Variants in SOX5 observed in about 807,000 individuals in gnomAD.
SOX5 encodes transcription factor SOX-5.
A neutral mutation model predicts 92.0 loss-of-function variants in SOX5; 9 were observed. The ratio of observed to expected loss-of-function variants is 0.10; its 90% CI spans 0.06 to 0.17. The LOEUF (loss-of-function observed/expected upper bound fraction) is 0.17. Ranked by LOEUF, SOX5 falls within the 10% of genes least tolerant of loss-of-function variation. SOX5 has a pLI of 1.00. For missense variants in SOX5, 642 were observed against 944.5 expected, an observed-to-expected ratio of 0.68 and a Z score of 4.20; for synonymous variants, 344 against 336.3, an observed-to-expected ratio of 1.02 and a Z score of -0.25.
intron 2 of SOX5, among the ~76,000 whole-genome samples, chr12:23,865,344 A>G (rs1184265408): frequency 6.6e-6 from 1 of 152,226 alleles, no homozygotes; most frequent in African/African-American, 2.4e-5. Context: ...CCCATGGATC[A>G]GGAAGTCATT....
chr12:24,435,953 G>A (rs1355675536), intron 1 of SOX5, among the ~76,000 whole-genome samples: 1 of 152,134 alleles, frequency 6.6e-6, no homozygotes, highest in African/African-American at 2.4e-5. Context: ...GATCTTTGAT[G>A]TTATTTTTGC....
chr12:23,750,433 T>C (rs932859200), intron 4 of SOX5, among the ~76,000 whole-genome samples: 8 of 151,892 alleles, frequency 5.3e-5, no homozygotes, highest in Non-Finnish European at 1.0e-4. Flanking sequence ...GAAGAATCAG[T>C]CCACATAACA....
upstream of SOX5, among the ~76,000 whole-genome samples, chr12:23,953,326 T>G (rs1037875241): frequency 6.6e-6 from 1 of 152,080 alleles, no homozygotes; most frequent in African/African-American, 2.4e-5. Context: ...GTTAAAATGT[T>G]TAAATATTAA....
upstream of SOX5, among the ~76,000 whole-genome samples, chr12:23,950,278 A>G (rs1569222240): frequency 6.6e-6 from 1 of 151,914 alleles, no homozygotes; most frequent in Non-Finnish European, 1.5e-5. Flanking sequence ...ACACACACAC[A>G]CACTCACACA....
chr12:23,687,112 A>T (rs921180003), intron 6 of SOX5, among the ~76,000 whole-genome samples: 1 of 152,106 alleles, frequency 6.6e-6, no homozygotes, highest in Non-Finnish European at 1.5e-5. Context: ...TGCCATCTAA[A>T]TGGCTTCCTA....
intron 11 of SOX5, among the ~76,000 whole-genome samples, chr12:23,553,125 C>T (rs1047310863): frequency 6.6e-6 from 1 of 151,846 alleles, no homozygotes; most frequent in Non-Finnish European, 1.5e-5. Context: ...TAAGTTTCAA[C>T]ACTTAAAGCT....
At chr12:24,516,616 A>G (rs1566365679) in intron 1 of SOX5, among the ~76,000 whole-genome samples, 2 of 152,164 alleles carry the variant, frequency 1.3e-5, no homozygotes, top group Non-Finnish European at 2.9e-5. Context: ...GAGCTTATCA[A>G]AGAGCTCCTG....
intron 1 of SOX5, among the ~76,000 whole-genome samples, chr12:24,499,536 G>A (rs1277106243): frequency 2.6e-5 from 4 of 152,228 alleles, no homozygotes; most frequent in African/African-American, 9.6e-5. Flanking sequence ...CACATCCAAT[G>A]TGGGACAAGT....
intron 7 of SOX5, among the ~76,000 whole-genome samples, chr12:23,660,376 A>C (rs1309117081): frequency 1.3e-5 from 2 of 152,208 alleles, no homozygotes; most frequent in African/African-American, 4.8e-5. Context: ...ACCATTGTGT[A>C]GATAAGGAAA....
upstream of SOX5, among the ~76,000 whole-genome samples, chr12:23,950,525 G>T (rs2139837241): frequency 6.6e-6 from 1 of 152,266 alleles, no homozygotes; most frequent in Non-Finnish European, 1.5e-5. Context: ...GTATCCACAT[G>T]CCAAAATAAC....
At chr12:24,443,892 C>T (rs140184582) in intron 1 of SOX5, among the ~76,000 whole-genome samples, 188 of 152,338 alleles carry the variant, frequency 1.2e-3, no homozygotes, top group Non-Finnish European at 2.4e-3. Context: ...TTCTTGTCAA[C>T]TATGAATAAA....
intron 2 of SOX5, among the ~76,000 whole-genome samples, chr12:24,324,476 G>A (rs898311461): frequency 7.3e-5 from 11 of 151,606 alleles, no homozygotes; most frequent in Non-Finnish European, 1.6e-4. Context: ...ATATAGTTGC[G>A]ACATTTATTC....
intron 4 of SOX5, among the ~76,000 whole-genome samples, chr12:24,169,979 G>A (rs2139110330): frequency 6.6e-6 from 1 of 152,254 alleles, no homozygotes; most frequent in South Asian, 2.1e-4. Flanking sequence ...GGCGTCCTGG[G>A]AGAAAGCAAT....
chr12:23,907,024 C>A (rs963130273), intron 1 of SOX5, among the ~76,000 whole-genome samples: 4 of 151,996 alleles, frequency 2.6e-5, no homozygotes, highest in African/African-American at 9.6e-5. Context: ...CTGCAGAATC[C>A]CTGCTACAGG....
At chr12:23,768,575 G>C (rs988545666) in intron 3 of SOX5, among the ~76,000 whole-genome samples, 3 of 152,066 alleles carry the variant, frequency 2.0e-5, no homozygotes, top group African/African-American at 7.2e-5. Flanking sequence ...GGATAAATTA[G>C]GAACATATAT....
chr12:23,832,882 C>A (rs908142891), intron 3 of SOX5, among the ~76,000 whole-genome samples: 43 of 151,496 alleles, frequency 2.8e-4, no homozygotes, highest in African/African-American at 1.0e-3. Flanking sequence ...TAAAATTATA[C>A]CCCAAATATT....
intron 6 of SOX5, among the ~76,000 whole-genome samples, chr12:23,691,601 C>G (rs1487328037): frequency 6.6e-6 from 1 of 152,048 alleles, no homozygotes; most frequent in African/African-American, 2.4e-5. Flanking sequence ...TGAACAGTTT[C>G]TATGAATTTA....
intron 4 of SOX5, among the ~76,000 whole-genome samples, chr12:24,042,962 C>T (rs1333074859): frequency 6.6e-6 from 1 of 152,022 alleles, no homozygotes; most frequent in Non-Finnish European, 1.5e-5. Flanking sequence ...TAATATTTAC[C>T]AAAGTTTGTT....
intron 8 of SOX5, among the ~76,000 whole-genome samples, chr12:23,625,853 TGCCTCG>T (rs2077712956): frequency 2.0e-5 from 3 of 152,246 alleles, no homozygotes; most frequent in Admixed American, 2.0e-4. Context: ...ATGATCCGCC[TGCCTCG>T]GCCTCCCAAA....
Sources: allele counts gnomAD v4.1 joint callset (sites outside exome capture counted in the v4.1 genomes callset), GRCh38; gene constraint gnomAD v4.1.1; transcripts MANE v1.5; gene names NCBI Gene and HGNC (gene_info 2026-07-23, HGNC 2026-07-21).